The following TMPRSS5 variants were observed in gnomAD, a reference collection of about 807,000 sequenced individuals.
TMPRSS5 encodes the protein transmembrane serine protease 5, also known as transmembrane protease serine 5.
Under a neutral mutation model 59.7 loss-of-function variants are expected in TMPRSS5, and 45 were observed. The ratio of observed to expected loss-of-function variants is 0.75; its 90% CI spans 0.59 to 0.97. TMPRSS5 has a LOEUF of 0.97. TMPRSS5 is among the 50% of genes least tolerant of loss of function. The pLI is 0.00. For synonymous variants in TMPRSS5, 225 were observed against 232.0 expected (o/e 0.97, Z 0.27); for missense variants, 585 against 596.7 (o/e 0.98, Z 0.20).
At chr11:113,692,958 A>G in intron 9 of TMPRSS5, 113 bp downstream of exon 9, 1 of 1,145,684 alleles carries the variant, frequency 8.7e-7, no homozygotes, top group Non-Finnish European at 1.2e-6. Flanking sequence ...GAATGTTTTA[A>G]GGTTTACAGT....
intron 10 of TMPRSS5, 62 bp downstream of exon 10, chr11:113,690,779 A>AC: frequency 6.9e-7 from 1 of 1,449,744 alleles, no homozygotes. Flanking sequence ...GCCTTGCCTC[A>AC]CCCTGGGGAA....
rs1388333148 is a variant in TMPRSS5 at position 113,690,836 on chromosome 11, C to A, written c.1063+5G>T. ...CTGCACCGAGGGCCCAGGGAGCTGACTCACTATGGCTAGGGTGGGTGTGGC... is the reference window on the plus strand; with the variant it reads ...CTGCACCGAGGGCCCAGGGAGCTGAATCACTATGGCTAGGGTGGGTGTGGC... On this transcript the variant is annotated splice_donor_5th_base_variant and intron_variant, in intron 10 of 12. Coordinates refer to ENST00000299882, the MANE Select transcript of TMPRSS5 (RefSeq NM_030770.4). The A allele has an allele frequency of 3.2e-6, 5 of 1,580,444 alleles. No individual in the cohort carries two copies. Among genetic ancestry groups the A allele is most frequent in the Non-Finnish European group, 4.3e-6 (5 of 1,163,606 alleles).
intron 11 of TMPRSS5, 35 bp downstream of exon 11, chr11:113,690,196 A>AAC: frequency 3.9e-6 from 1 of 253,940 alleles, no homozygotes; most frequent in Non-Finnish European, 6.0e-6. Flanking sequence ...CCCCACCTCC[A>AAC]CTCCCACCCT....
In TMPRSS5 at chr11:113,699,639, G is replaced by T; in HGVS notation, c.161C>A (p.Ala54Asp). Reference protein sequence around the residue: ...SMRRGCAVLGALGLLAGAGVG... With the variant: ...SMRRGCAVLGDLGLLAGAGVG... ...ACCTGCACCGGCCAGCAGCCCCAGG[G>T]CTCCCAGCACTGCACAGCCACGTCG... Residue 54 changes from alanine (A) to aspartate (D), a missense_variant, in exon 3 of 13, where the codon GCC becomes GAC. By Grantham distance (126) the Ala-to-Asp change is moderately radical. Coordinates refer to ENST00000299882, the MANE Select transcript of TMPRSS5 (RefSeq NM_030770.4). 1 of 1,586,048 alleles carries T rather than the reference G, an allele frequency of 6.3e-7. No individual in the cohort carries two copies. The highest frequency in any genetic ancestry group is 8.6e-7 in the Non-Finnish European group (1 of 1,166,632).
At position 113,689,844 on chromosome 11, in the gene TMPRSS5, C is replaced by A; in HGVS notation, c.1280G>T (p.Arg427Leu). 6.3e-7 allele frequency: 1 copy of A among 1,593,464 alleles called. No individual in the cohort carries two copies. The highest frequency in any genetic ancestry group is 1.3e-5 in the African/African-American group (1 of 74,590). ...WRLVGVVSWG[R>L]GCAEPNHPGV... ...TGGGTGATTGGGCTCTGCGCAGCCA[C>A]GCCCCCAGCTGACCACCCCCACTAG... is the stretch of plus-strand genomic sequence containing the variant. Residue 427 changes from arginine to leucine, a missense_variant, in exon 12 of 13, where the codon CGT becomes CTT. Coordinates refer to ENST00000299882, the MANE Select transcript of TMPRSS5 (RefSeq NM_030770.4).
chr11:113,693,270 G>C, intron 8 of TMPRSS5, 21 bp from the exon 9 acceptor site: 1 of 1,517,684 alleles, frequency 6.6e-7, no homozygotes, highest in South Asian at 1.3e-5. Context: ...GGGCCATGCT[G>C]AGCGGGGAAG....
At chr11:113,692,928 C>T (rs1952822639) in intron 9 of TMPRSS5, 143 bp downstream of exon 9, 1 of 947,286 alleles carries the variant, frequency 1.1e-6, no homozygotes, top group African/African-American at 1.7e-5. Flanking sequence ...TGCCAAAATT[C>T]ACTAGTCCCA....
At chr11:113,704,952 G>A (rs1953249948) in intron 1 of TMPRSS5, among the ~76,000 whole-genome samples, 1 of 152,008 alleles carries the variant, frequency 6.6e-6, no homozygotes, top group Admixed American at 6.6e-5. Flanking sequence ...AAATTGTAAA[G>A]CCCAATACAA....
intron 6 of TMPRSS5, among the ~76,000 whole-genome samples, chr11:113,696,008 A>G (rs1165168549): frequency 6.6e-6 from 1 of 151,930 alleles, no homozygotes; most frequent in East Asian, 1.9e-4. Context: ...CTAGCAGTCC[A>G]ATGTCTAGAC....
Position 113,693,086 on chromosome 11 carries a change from C to T in TMPRSS5, c.949G>A (p.Ala317Thr), listed in dbSNP as rs1388430642. 8 of 1,572,854 alleles carry T rather than the reference C, an allele frequency of 5.1e-6. No homozygotes were observed. Among genetic ancestry groups the T allele is most frequent in the East Asian group, 2.3e-5 (1 of 42,698 alleles). ...YDVALLRLQT[A>T]LNFSDTVGAV... is the part of the protein sequence containing the mutation. ...AGTGCCGCACCTGAGAAGTTGAGAGCGGTCTGGAGCCTCAGGAGGGCGACG... is the reference window on the plus strand; with the variant it reads ...AGTGCCGCACCTGAGAAGTTGAGAGTGGTCTGGAGCCTCAGGAGGGCGACG... The change falls in exon 9 of 13, where the codon GCT becomes ACT. Residue 317 changes from alanine (A) to threonine (T), a missense_variant. Physicochemically the swap from Ala to Thr is moderately conservative, Grantham distance 58. Transcript: ENST00000299882.
At chr11:113,697,206 C>A in intron 5 of TMPRSS5, 77 bp downstream of exon 5, 6 of 1,534,584 alleles carry the variant, frequency 3.9e-6, no homozygotes, top group Non-Finnish European at 4.4e-6. Context: ...CAGTGACGGG[C>A]AGGTAGAGGT....
At chr11:113,691,290 G>A (rs754689451) in intron 9 of TMPRSS5, among the ~76,000 whole-genome samples, 32 of 152,304 alleles carry the variant, frequency 2.1e-4, no homozygotes, top group Middle Eastern at 3.4e-3. Flanking sequence ...TTCCAAAAAC[G>A]TGACATATCC....
At chr11:113,702,840 G>T (rs1047006308) in intron 1 of TMPRSS5, among the ~76,000 whole-genome samples, 26 of 152,230 alleles carry the variant, frequency 1.7e-4, no homozygotes, top group Non-Finnish European at 2.9e-5. Context: ...GAGCCTGCGG[G>T]TGCACAGAAG....
chr11:113,698,953 A>C lies in TMPRSS5; in HGVS notation c.280T>G (p.Ser94Ala), dbSNP rs1161423759. Residue 94 changes from serine (S) to alanine (A), a missense_variant, in exon 4 of 13, where the codon TCA becomes GCA. By Grantham distance (99) the Ser-to-Ala change is moderately conservative. Coordinates refer to ENST00000299882, the MANE Select transcript of TMPRSS5 (RefSeq NM_030770.4). Reference sequence around the variant, plus strand: ...AGAGCTTCCTCAGCGCTGGCCTCTGAGCAGCTCAAAGTTATCTCCTCATCC... The same window carrying C: ...AGAGCTTCCTCAGCGCTGGCCTCTGCGCAGCTCAAAGTTATCTCCTCATCC... ...LQDEEITLSC[S>A]EASAEEALLP... The C allele has an allele frequency of 6.2e-7, 1 of 1,601,096 alleles. No individual in the cohort carries two copies. The highest frequency in any genetic ancestry group is 1.1e-5 in the South Asian group (1 of 88,140).
intron 10 of TMPRSS5, 36 bp downstream of exon 10, chr11:113,690,805 C>A: frequency 6.5e-7 from 1 of 1,537,700 alleles, no homozygotes; most frequent in Non-Finnish European, 8.8e-7. Context: ...CCTCCCACAC[C>A]CGCCCCTGCA....
Position 113,693,065 on chromosome 11 carries a change from C to T in TMPRSS5, c.964+6G>A. 1.3e-6 allele frequency: 2 copies of T among 1,557,758 alleles called. No individual in the cohort carries two copies. Among genetic ancestry groups the T allele is most frequent in the African/African-American group, 1.4e-5 (1 of 73,574 alleles). On this transcript the variant is annotated splice_donor_region_variant and intron_variant, in intron 9 of 12. Coordinates refer to ENST00000299882, the MANE Select transcript of TMPRSS5 (RefSeq NM_030770.4). ...CAGCCTGCCCACCCTCAAGCCAGTG[C>T]CGCACCTGAGAAGTTGAGAGCGGTC...
intron 8 of TMPRSS5, 180 bp downstream of exon 8, chr11:113,694,298 C>A: frequency 4.9e-6 from 2 of 405,962 alleles, no homozygotes; most frequent in Non-Finnish European, 4.4e-6. Flanking sequence ...CATATTATTA[C>A]TGTTATTTGT....
At chr11:113,689,396 C>G (rs946152746) in intron 12 of TMPRSS5, among the ~76,000 whole-genome samples, 1 of 152,004 alleles carries the variant, frequency 6.6e-6, no homozygotes, top group South Asian at 2.1e-4. Flanking sequence ...TCACTCTAAG[C>G]CTAGCACTGT....
rs1002146014 is a variant in TMPRSS5, at chr11:113,687,854, G to A, written c.*406C>T. The A allele has an allele frequency of 8.7e-5, 15 of 173,220 alleles. No individual in the cohort carries two copies. Among genetic ancestry groups the A allele is most frequent in the African/African-American group, 3.1e-4 (13 of 42,268 alleles). The allele number at this position is 173,220 out of a possible 1,614,324, so 10.7% of individuals were successfully genotyped here. Reference sequence around the variant, plus strand: ...CTAGAGCACAGGAAAAAGGTGGGACGGGGGGCACCTCCCAGCACCCTCCCA... The same window carrying A: ...CTAGAGCACAGGAAAAAGGTGGGACAGGGGGCACCTCCCAGCACCCTCCCA... On this transcript the variant is annotated 3_prime_UTR_variant, in exon 13 of 13. Transcript: ENST00000299882.
Sources: gnomAD v4.1 joint callset for allele counts (sites outside exome capture counted in the v4.1 genomes callset) on GRCh38, gnomAD v4.1.1 for gene constraint, MANE v1.5 for transcripts, NCBI Gene and HGNC (gene_info 2026-07-23, HGNC 2026-07-21) for gene names.